The following BDKRB1 variants were observed in gnomAD, a reference collection of about 807,000 sequenced individuals.
BDKRB1 encodes bradykinin receptor B1, also known as B1 bradykinin receptor.
For missense variants in BDKRB1, 414 were observed against 441.4 expected (o/e 0.94, Z 0.56); for synonymous variants, 192 against 189.1 (o/e 1.02, Z -0.13).
rs1363264193 is a variant in BDKRB1 at position 96,264,251 on chromosome 14, T to A, written c.569T>A (p.Ile190Asn). The change falls in exon 3 of 3, where the codon ATC (isoleucine) becomes AAC (asparagine). Residue 190 changes from isoleucine (I) to asparagine (N), a missense_variant. Transcript: ENST00000216629. Reference protein sequence around the residue: ...AVPDLNITACILLLPHEAWHF... With the variant: ...AVPDLNITACNLLLPHEAWHF... ...CCAGATCTGAACATCACCGCCTGCA[T>A]CCTGCTCCTCCCCCATGAGGCCTGG... 6.2e-7 allele frequency: 1 copy of A among 1,614,170 alleles called. No individual in the cohort carries two copies. Among genetic ancestry groups the A allele is most frequent in the Admixed American group, 1.7e-5 (1 of 60,024 alleles).
intron 1 of BDKRB1, chr14:96,259,870 C>T (rs1000345993): frequency 6.6e-6 from 1 of 152,170 alleles, no homozygotes; most frequent in African/African-American, 2.4e-5. Context: ...ATCACTTCCA[C>T]TGTTGCACGT....
chr14:96,256,736 G>A (rs748052917), intron 1 of BDKRB1, among the ~76,000 whole-genome samples: 1 of 152,236 alleles, frequency 6.6e-6, no homozygotes, highest in Non-Finnish European at 1.5e-5. Flanking sequence ...TGGCTTGAAA[G>A]TAGCATCTTA....
chr14:96,260,379 T>C (rs1885719335), intron 1 of BDKRB1, among the ~76,000 whole-genome samples: 1 of 152,214 alleles, frequency 6.6e-6, no homozygotes, highest in African/African-American at 2.4e-5. Flanking sequence ...GTCTTAGGTT[T>C]TCTTGCAATC....
In BDKRB1 at chr14:96,262,724, C is replaced by T; in HGVS notation, c.-57C>T. On this transcript the variant is annotated 5_prime_UTR_variant, in exon 2 of 3. Coordinates refer to ENST00000216629, the MANE Select transcript of BDKRB1 (RefSeq NM_000710.4). The stretch of plus-strand genomic sequence containing the variant: ...CTCGCTGCAGCCTCGACCTTCCAGG[C>T]TTAAACGATTCTCCCACCTCAGCCT... 1 of 443,482 alleles carries T rather than the reference C, an allele frequency of 2.3e-6. No individual in the cohort carries two copies. Among genetic ancestry groups the T allele is most frequent in the Non-Finnish European group, 4.5e-6 (1 of 223,806 alleles). The allele number at this position is 443,482 out of a possible 1,614,324, so 27.5% of individuals were successfully genotyped here.
chr14:96,264,252 C>A lies in BDKRB1; in HGVS notation c.570C>A (p.Ile190=). 4 of 1,614,208 alleles carry A rather than the reference C, an allele frequency of 2.5e-6. No individual in the cohort carries two copies. The highest frequency in any genetic ancestry group is 3.4e-6 in the Non-Finnish European group (4 of 1,180,038). The change falls in exon 3 of 3, where the codon ATC becomes ATA. Residue 190 remains isoleucine (I), a synonymous_variant. Coordinates refer to ENST00000216629, the MANE Select transcript of BDKRB1 (RefSeq NM_000710.4). ...CAGATCTGAACATCACCGCCTGCAT[C>A]CTGCTCCTCCCCCATGAGGCCTGGC... is the stretch of plus-strand genomic sequence containing the variant. The part of the protein sequence containing the change: ...AVPDLNITAC[I]LLLPHEAWHF...
At chr14:96,258,156 T>C (rs959753034) in intron 1 of BDKRB1, among the ~76,000 whole-genome samples, 25 of 152,224 alleles carry the variant, frequency 1.6e-4, no homozygotes, top group African/African-American at 5.8e-4. Flanking sequence ...AAAGAAAACA[T>C]GTTTATGTTA....
Position 96,264,758 on chromosome 14 carries a change from C to A in BDKRB1, c.*14C>A. 6.3e-7 allele frequency: 1 copy of A among 1,586,796 alleles called. No homozygotes were observed. ...TGGCGGAATTAAAACAGCATTGAACCAAGAAGCTTGGCTTTCTTATCAATT... is the reference window on the plus strand; with the variant it reads ...TGGCGGAATTAAAACAGCATTGAACAAAGAAGCTTGGCTTTCTTATCAATT... On this transcript the variant is annotated 3_prime_UTR_variant, in exon 3 of 3. Coordinates refer to ENST00000216629, the MANE Select transcript of BDKRB1 (RefSeq NM_000710.4).
In BDKRB1 at chr14:96,263,774, A is replaced by AC; in HGVS notation, c.92_93insC (p.Glu31AspfsTer53). ...GCTACGGCCTGTGACAATGCTCCAG[A>AC]AGCCTGGGACCTGCTGCACAGAGTG... On this transcript the variant is annotated frameshift_variant, in exon 3 of 3. Coordinates refer to ENST00000216629, the MANE Select transcript of BDKRB1 (RefSeq NM_000710.4). LOFTEE classifies it low-confidence loss of function (END_TRUNC). 1.2e-6 allele frequency: 2 copies of AC among 1,614,222 alleles called. No homozygotes were observed. Among genetic ancestry groups the AC allele is most frequent in the South Asian group, 2.2e-5 (2 of 91,076 alleles).
chr14:96,263,815 A>G lies in BDKRB1; in HGVS notation c.133A>G (p.Ile45Val). The G allele has an allele frequency of 6.2e-7, 1 of 1,614,100 alleles. No homozygotes were observed. The highest frequency in any genetic ancestry group is 1.3e-5 in the African/African-American group (1 of 75,012). ...LLHRVLPTFI[I>V]SICFFGLLGN... ...GCACAGAGTGCTGCCAACATTTATC[A>G]TCTCCATCTGTTTCTTCGGCCTCCT... The change falls in exon 3 of 3, where the codon ATC (isoleucine) becomes GTC (valine). Residue 45 changes from isoleucine (I) to valine (V), a missense_variant. Physicochemically the swap from Ile to Val is conservative, Grantham distance 29. Coordinates refer to ENST00000216629, the MANE Select transcript of BDKRB1 (RefSeq NM_000710.4).
rs780191634 is a variant in BDKRB1 at position 96,262,701 on chromosome 14, C to T, written c.-80C>T. On this transcript the variant is annotated 5_prime_UTR_variant, in exon 2 of 3. Transcript: ENST00000216629. ...GAAGTGCAGTGGCACAATCATAGCTCGCTGCAGCCTCGACCTTCCAGGCTT... is the reference window on the plus strand; with the variant it reads ...GAAGTGCAGTGGCACAATCATAGCTTGCTGCAGCCTCGACCTTCCAGGCTT... 1.3e-5 allele frequency: 6 copies of T among 446,862 alleles called. No individual in the cohort carries two copies. The highest frequency in any genetic ancestry group is 2.1e-5 in the African/African-American group (1 of 47,846). 27.7% of individuals were successfully genotyped at this position (446,862 alleles called of 1,614,324 possible).
chr14:96,261,947 C>G (rs188465542), intron 1 of BDKRB1, among the ~76,000 whole-genome samples: 2 of 152,224 alleles, frequency 1.3e-5, no homozygotes, highest in Admixed American at 1.3e-4. Flanking sequence ...ATGCAGTCCT[C>G]CCTATGGAAA....
At chr14:96,260,384 G>GCAAT (rs1367441023) in intron 1 of BDKRB1, among the ~76,000 whole-genome samples, 1 of 152,098 alleles carries the variant, frequency 6.6e-6, no homozygotes, top group African/African-American at 2.4e-5. Flanking sequence ...AGGTTTTCTT[G>GCAAT]CAATCAGTGA....
At chr14:96,258,830 AT>A (rs905178269) in intron 1 of BDKRB1, among the ~76,000 whole-genome samples, 19 of 150,382 alleles carry the variant, frequency 1.3e-4, no homozygotes, top group Admixed American at 2.0e-4. Context: ...GCCCACACGT[AT>A]TTTTTTTTAA....
chr14:96,263,860 T>C lies in BDKRB1; in HGVS notation c.178T>C (p.Leu60=), dbSNP rs1885817392. The C allele has an allele frequency of 2.5e-6, 4 of 1,614,106 alleles. No individual in the cohort carries two copies. The highest frequency in any genetic ancestry group is 1.7e-5 in the Admixed American group (1 of 60,010). The part of the protein sequence containing the change: ...FGLLGNLFVL[L]VFLLPRRQLN... ...CCTCCTAGGGAACCTTTTTGTCCTG[T>C]TGGTCTTCCTCCTGCCCCGGCGGCA... Residue 60 remains leucine (L), a synonymous_variant, in exon 3 of 3, where the codon TTG becomes CTG. Transcript: ENST00000216629.
chr14:96,258,301 CTTG>C (rs1885665146), intron 1 of BDKRB1, among the ~76,000 whole-genome samples: 1 of 152,080 alleles, frequency 6.6e-6, no homozygotes, highest in African/African-American at 2.4e-5. Context: ...TCAGTGGGGT[CTTG>C]TTATTTTTAA....
Position 96,264,552 on chromosome 14 carries a change from T to C in BDKRB1, c.870T>C (p.Ile290=). The C allele has an allele frequency of 6.2e-7, 1 of 1,614,176 alleles. No homozygotes were observed. ...AVRGCFWEDF[I]DLGLQLANFF... ...GAGGCTGCTTTTGGGAGGACTTCAT[T>C]GACCTGGGCCTGCAATTGGCCAACT... Residue 290 remains isoleucine, a synonymous_variant, in exon 3 of 3, where the codon ATT becomes ATC. Transcript: ENST00000216629.
chr14:96,258,786 G>T lies in BDKRB1; in HGVS notation c.-130+2486G>T, dbSNP rs550227310. Among the ~76,000 whole-genome samples, 3 of 152,244 alleles carry T rather than the reference G, an allele frequency of 2.0e-5. No individual in the cohort carries two copies. In the East Asian group the frequency reaches 5.8e-4, roughly 29 times the overall value. ...TCCACCTGCCTCAGCCTCCCAAAGT[G>T]CTGGGATTACAGGCATGAGCCACAC... On this transcript the variant is annotated intron_variant, in intron 1 of 2. Coordinates refer to ENST00000216629, the MANE Select transcript of BDKRB1 (RefSeq NM_000710.4).
chr14:96,261,639 T>A (rs1339171960), intron 1 of BDKRB1, among the ~76,000 whole-genome samples: 1 of 152,224 alleles, frequency 6.6e-6, no homozygotes, highest in Non-Finnish European at 1.5e-5. Context: ...GAATCTCAGG[T>A]GTCACCCATT....
intron 1 of BDKRB1, among the ~76,000 whole-genome samples, chr14:96,256,511 C>G (rs1341302793): frequency 2.0e-5 from 3 of 152,122 alleles, no homozygotes; most frequent in Non-Finnish European, 4.4e-5. Context: ...TTTTCCAGAA[C>G]AGGAGGAGGA....
Sources: gnomAD v4.1 joint callset for allele counts (sites outside exome capture counted in the v4.1 genomes callset) on GRCh38, gnomAD v4.1.1 for gene constraint, MANE v1.5 for transcripts, NCBI Gene and HGNC (gene_info 2026-07-23, HGNC 2026-07-21) for gene names.